PTPRT: variants seen among roughly 807,000 people sequenced by gnomAD.
The protein encoded by PTPRT is protein tyrosine phosphatase receptor type T.
Under a neutral mutation model 176.8 loss-of-function variants are expected in PTPRT, and 56 were observed. The ratio of observed to expected loss-of-function variants is 0.32; its 90% CI spans 0.26 to 0.40. PTPRT has a LOEUF of 0.40. Ranked by LOEUF, PTPRT falls within the 10% of genes least tolerant of loss-of-function variation. The probability of loss-of-function intolerance (pLI) is 1.00; values close to 1 mark genes in which losing one functional copy is unlikely to be tolerated. For synonymous variants in PTPRT, 783 were observed against 739.0 expected, an observed-to-expected ratio of 1.06 and a Z score of -0.96; for missense variants, 1,540 against 1,908.2, an observed-to-expected ratio of 0.81 and a Z score of 3.60.
At chr20:42,574,227 C>T (rs1012511303) in intron 7 of PTPRT, among the ~76,000 whole-genome samples, 4 of 152,156 alleles carry the variant, frequency 2.6e-5, no homozygotes, top group African/African-American at 9.7e-5. Context: ...ACCCGTGAGT[C>T]TGAACAAATT....
intron 11 of PTPRT, among the ~76,000 whole-genome samples, chr20:42,343,994 G>A (rs2058150868): frequency 6.6e-6 from 1 of 152,186 alleles, no homozygotes; most frequent in Non-Finnish European, 1.5e-5. Context: ...CTGCCTACTG[G>A]GTTCAAGTGA....
At chr20:42,401,806 A>T (rs1050181380) in intron 9 of PTPRT, among the ~76,000 whole-genome samples, 4 of 152,178 alleles carry the variant, frequency 2.6e-5, no homozygotes, top group African/African-American at 9.7e-5. Flanking sequence ...AGTGGAGAAG[A>T]CAGATCACTG....
intron 7 of PTPRT, among the ~76,000 whole-genome samples, chr20:42,593,874 T>C (rs2073623400): frequency 6.6e-6 from 1 of 152,144 alleles, no homozygotes; most frequent in Non-Finnish European, 1.5e-5. Flanking sequence ...GAGAAAATAT[T>C]GGGAGGAGAC....
At chr20:42,156,539 T>C (rs1989363395) in intron 17 of PTPRT, among the ~76,000 whole-genome samples, 1 of 152,214 alleles carries the variant, frequency 6.6e-6, no homozygotes, top group African/African-American at 2.4e-5. Flanking sequence ...TAGATCCAAC[T>C]ACCTTCTTGC....
Position 43,147,458 on chromosome 20 carries a change from A to G in PTPRT, c.88+42188T>C, listed in dbSNP as rs184293160. Among the ~76,000 whole-genome samples the G allele has an allele frequency of 9.9e-5, 15 of 152,220 alleles. No homozygotes were observed. In the East Asian group the frequency reaches 2.7e-3, roughly 27 times the overall value. Reference sequence around the variant, plus strand: ...CTCAACAACTCATTCTACCTCCCCCATCAGACCAGGGACTTCTCAATAGCA... The same window carrying G: ...CTCAACAACTCATTCTACCTCCCCCGTCAGACCAGGGACTTCTCAATAGCA... On this transcript the variant is annotated intron_variant, in intron 1 of 30. Coordinates refer to ENST00000373187, the MANE Select transcript of PTPRT (RefSeq NM_007050.6).
At chr20:42,093,456 C>A (rs894052283) in intron 27 of PTPRT, among the ~76,000 whole-genome samples, 5 of 90,628 alleles carry the variant, frequency 5.5e-5, no homozygotes, top group Non-Finnish European at 1.1e-4. Context: ...TGAACAGCAA[C>A]CACTGCAGGA....
intron 14 of PTPRT, among the ~76,000 whole-genome samples, chr20:42,238,568 AC>A (rs1428558197): frequency 2.0e-5 from 3 of 152,226 alleles, no homozygotes; most frequent in African/African-American, 4.8e-5. Flanking sequence ...CCCCTGGGAC[AC>A]AAAACTCAGG....
At chr20:42,809,210 G>A (rs551590544) in intron 2 of PTPRT, among the ~76,000 whole-genome samples, 1 of 152,296 alleles carries the variant, frequency 6.6e-6, no homozygotes, top group South Asian at 2.1e-4. Context: ...CCTCTCCAAG[G>A]CCTCCAAACC....
Position 42,771,518 on chromosome 20 carries a change from C to G in PTPRT, c.601G>C (p.Val201Leu). 1 of 1,614,154 alleles carries G rather than the reference C, an allele frequency of 6.2e-7. No homozygotes were observed. Among genetic ancestry groups the G allele is most frequent in the Non-Finnish European group, 8.5e-7 (1 of 1,180,010 alleles). The change falls in exon 5 of 31, where the codon GTG (valine) becomes CTG (leucine). Residue 201 changes from valine to leucine, a missense_variant. This residue lies in a region of PTPRT where 273 missense variants were observed against 432.1 expected (regional missense o/e 0.63). Coordinates refer to ENST00000373187, the MANE Select transcript of PTPRT (RefSeq NM_007050.6). ...KAPHFLRLQN[V>L]EVNVGQNATF... ...GCATTCTGCCCCACATTCACCTCCA[C>G]GTTTTGGAGTCGCAGAAAATGAGGT...
chr20:43,063,714 C>A (rs967388059), intron 1 of PTPRT: 3 of 152,204 alleles, frequency 2.0e-5, no homozygotes, highest in Admixed American at 6.5e-5. Flanking sequence ...AATTGAGAGC[C>A]TTCTAAAGAC....
At chr20:42,776,732 TATATG>T (rs1395789529) in intron 4 of PTPRT, among the ~76,000 whole-genome samples, 2 of 148,824 alleles carry the variant, frequency 1.3e-5, no homozygotes, top group African/African-American at 4.9e-5. Context: ...CATATAATTA[TATATG>T]ATATGCTTAT....
rs993094643 is a variant in PTPRT at position 42,161,232 on chromosome 20, C to T, written c.2682+120G>A. ...GGGGCCTGAGATGTTGCATTTCCTA[C>T]ACGCTCCCAGGTGATACTGAGGCTG... On this transcript the variant is annotated intron_variant, in intron 17 of 30. Transcript: ENST00000373187. 5 of 1,135,432 alleles carry T rather than the reference C, an allele frequency of 4.4e-6. No homozygotes were observed. In the South Asian group the frequency reaches 7.1e-5, roughly 16 times the overall value. 70.3% of individuals were successfully genotyped at this position (1,135,432 alleles called of 1,614,324 possible).
intron 2 of PTPRT, among the ~76,000 whole-genome samples, chr20:42,861,591 C>A (rs562765897): frequency 6.6e-6 from 1 of 151,636 alleles, no homozygotes; most frequent in Non-Finnish European, 1.5e-5. Flanking sequence ...AAGCCTTCTG[C>A]CCTTATGTTC....
chr20:43,088,549 C>G (rs866105680), intron 1 of PTPRT, among the ~76,000 whole-genome samples: 60 of 152,262 alleles, frequency 3.9e-4, no homozygotes, highest in Admixed American at 1.0e-3. Flanking sequence ...AGTACAGACT[C>G]TGGGTTGAGA....
At chr20:42,292,729 A>T (rs547996565) in intron 12 of PTPRT, among the ~76,000 whole-genome samples, 4 of 152,162 alleles carry the variant, frequency 2.6e-5, no homozygotes, top group African/African-American at 9.7e-5. Context: ...TTTGGAAAAC[A>T]GGCTAAGTGG....
At chr20:42,429,317 C>G (rs2059195043) in intron 9 of PTPRT, among the ~76,000 whole-genome samples, 1 of 152,122 alleles carries the variant, frequency 6.6e-6, no homozygotes, top group African/African-American at 2.4e-5. Flanking sequence ...ATTTACAACC[C>G]TGTGAGCCGG....
Position 42,664,202 on chromosome 20 carries a change from T to C in PTPRT, c.1153+13664A>G, listed in dbSNP as rs76350076. ...TCATATTTTGTTTAGCAATTACCTC[T>C]TTATGCCTTTAGCCTTTTTTTCTAT... On this transcript the variant is annotated intron_variant, in intron 7 of 30. Coordinates refer to ENST00000373187, the MANE Select transcript of PTPRT (RefSeq NM_007050.6). Among the ~76,000 whole-genome samples the C allele has an allele frequency of 9.1e-3, 1,380 of 152,362 alleles. 23 individuals are homozygous for C. Among genetic ancestry groups the C allele is most frequent in the African/African-American group, 0.032 (1,326 of 41,582 alleles).
intron 6 of PTPRT, among the ~76,000 whole-genome samples, chr20:42,749,154 G>A (rs1178471155): frequency 6.6e-6 from 1 of 152,114 alleles, no homozygotes; most frequent in African/African-American, 2.4e-5. Flanking sequence ...CCTTATGAGT[G>A]TGCACACTAC....
chr20:42,296,292 A>G (rs1353152040), intron 12 of PTPRT, among the ~76,000 whole-genome samples: 1 of 152,120 alleles, frequency 6.6e-6, no homozygotes, highest in Non-Finnish European at 1.5e-5. Context: ...CTAAAAATAC[A>G]AATATAAGCT....
Sources: gnomAD v4.1 joint callset for allele counts (sites outside exome capture counted in the v4.1 genomes callset) on GRCh38, gnomAD v4.1.1 for gene constraint, gnomAD v4.1.1 regional missense constraint, MANE v1.5 for transcripts, NCBI Gene and HGNC (gene_info 2026-07-23, HGNC 2026-07-21) for gene names.